The following KDR variants were observed in gnomAD, a reference collection of about 807,000 sequenced individuals.
KDR encodes the protein kinase insert domain receptor.
KDR carries 43 observed loss-of-function variants against 160.9 expected under a neutral mutation model. The observed-to-expected ratio is 0.27, with a 90% CI of 0.21 to 0.34. The LOEUF (loss-of-function observed/expected upper bound fraction) is 0.34, where lower values mean the gene tolerates loss of function less well. KDR is among the 10% of genes least tolerant of loss of function. The probability of loss-of-function intolerance (pLI) is 1.00; values close to 1 mark genes in which losing one functional copy is unlikely to be tolerated. For synonymous variants in KDR, 617 were observed against 600.1 expected (o/e 1.03, Z -0.41); for missense variants, 1,469 against 1,666.4 (o/e 0.88, Z 2.06).
intron 27 of KDR, among the ~76,000 whole-genome samples, chr4:55,087,034 A>C (rs1719882324): frequency 6.6e-6 from 1 of 152,210 alleles, no homozygotes; most frequent in Non-Finnish European, 1.5e-5. Context: ...CCCCTCTGCA[A>C]ATCAGGAAAG....
rs139868970 is a variant in KDR, at chr4:55,089,958, C to T, written c.3190G>A (p.Asp1064Asn). 1.9e-6 allele frequency: 3 copies of T among 1,614,026 alleles called. No individual in the cohort carries two copies. The highest frequency in any genetic ancestry group is 2.7e-5 in the African/African-American group (2 of 74,928). ...CTGGGTTCATATTTGAAACTTACAT[C>T]TCCTTTTCTGACATAATCTGGATCT... The part of the protein sequence containing the change: ...YKDPDYVRKG[D>N]ARLPLKWMAP... The change falls in exon 23 of 30, where the codon GAT becomes AAT. Residue 1064 changes from aspartate to asparagine, a missense_variant and splice_region_variant. By Grantham distance (23) the Asp-to-Asn change is conservative. Coordinates refer to ENST00000263923, the MANE Select transcript of KDR (RefSeq NM_002253.4).
In KDR at chr4:55,079,994, C is replaced by G. The variant is rs775644461; in HGVS notation, c.4018G>C (p.Ala1340Pro). Reference sequence around the variant, plus strand: ...CCCGAGTCAGGCTGGAGAATCTGGGCTGTGCTACCGGTTTGCACTCCAATC... The same window carrying G: ...CCCGAGTCAGGCTGGAGAATCTGGGGTGTGCTACCGGTTTGCACTCCAATC... ...IEIGVQTGSTAQILQPDSGTT... is the reference protein window; with the variant it reads ...IEIGVQTGSTPQILQPDSGTT... The change falls in exon 30 of 30, where the codon GCC becomes CCC. Residue 1340 changes from alanine to proline, a missense_variant. Ala to Pro is a conservative substitution (Grantham distance 27, BLOSUM62 -1). Around this residue, in one of 7 missense-constraint regions of KDR, gnomAD observed 229 missense variants for 197.8 expected, o/e 1.16. Transcript: ENST00000263923. The G allele has an allele frequency of 1.9e-6, 3 of 1,614,182 alleles. No homozygotes were observed. Among genetic ancestry groups the G allele is most frequent in the Middle Eastern group, 1.7e-4 (1 of 6,056 alleles).
chr4:55,118,556 T>C (rs540139325), intron 3 of KDR, 48 bp downstream of exon 3: 14 of 1,461,314 alleles, frequency 9.6e-6, no homozygotes, highest in Non-Finnish European at 1.3e-5. Flanking sequence ...TATTGTCTTT[T>C]ATAACTGGTA....
Position 55,114,171 on chromosome 4 carries a change from T to C in KDR, c.753A>G (p.Glu251=), listed in dbSNP as rs1267820680. 1 of 1,614,046 alleles carries C rather than the reference T, an allele frequency of 6.2e-7. No individual in the cohort carries two copies. The change falls in exon 6 of 30, where the codon GAA becomes GAG. Residue 251 remains glutamate (E), a synonymous_variant. Transcript: ENST00000263923. The part of the protein sequence containing the change: ...KLVLNCTART[E]LNVGIDFNWE... Reference sequence around the variant, plus strand: ...AGTTGAAGTCAATCCCCACATTTAGTTCAGTTCTTGCTGTACAATTTAAGA... The same window carrying C: ...AGTTGAAGTCAATCCCCACATTTAGCTCAGTTCTTGCTGTACAATTTAAGA...
chr4:55,089,482 A>G lies in KDR; in HGVS notation c.3305-9T>C. 1 of 1,592,114 alleles carries G rather than the reference A, an allele frequency of 6.3e-7. No individual in the cohort carries two copies. Among genetic ancestry groups the G allele is most frequent in the Non-Finnish European group, 8.6e-7 (1 of 1,160,628 alleles). ...AGGATATGGAGAAGCACCTAGAATA[A>G]AACAGGGAGGAGACATTCTTTGATT... On this transcript the variant is annotated splice_polypyrimidine_tract_variant and intron_variant, in intron 24 of 29. Transcript: ENST00000263923.
At chr4:55,106,233 G>A (rs1720443239) in intron 11 of KDR, among the ~76,000 whole-genome samples, 3 of 152,046 alleles carry the variant, frequency 2.0e-5, no homozygotes, top group Non-Finnish European at 2.9e-5. Context: ...TCCAACGAGC[G>A]TTTCCTTTGA....
At chr4:55,108,854 T>G (rs1720505456) in intron 9 of KDR, among the ~76,000 whole-genome samples, 1 of 152,198 alleles carries the variant, frequency 6.6e-6, no homozygotes, top group African/African-American at 2.4e-5. Flanking sequence ...CCTCAGATTA[T>G]GCTTTGAAGA....
Position 55,096,319 on chromosome 4 carries a change from G to T in KDR, c.2638C>A (p.Arg880=). 3.1e-6 allele frequency: 5 copies of T among 1,612,386 alleles called. No homozygotes were observed. The highest frequency in any genetic ancestry group is 4.2e-6 in the Non-Finnish European group (5 of 1,178,704). Residue 880 remains arginine (R), a synonymous_variant, in exon 19 of 30, where the codon CGA becomes AGA. Coordinates refer to ENST00000263923, the MANE Select transcript of KDR (RefSeq NM_002253.4). ...ATCTTGAGTTCAGACATGAGAGCTC[G>T]ATGCTCACTGTGTGTTGCTCCTTCT... ...LKEGATHSEH[R]ALMSELKILI... is the part of the protein sequence containing the mutation.
At position 55,121,124 on chromosome 4, in the gene KDR, G is replaced by C; in HGVS notation, c.134C>G (p.Ala45Gly). The change falls in exon 2 of 30, where the codon GCT (alanine) becomes GGT (glycine). Residue 45 changes from alanine (A) to glycine (G), a missense_variant. Coordinates refer to ENST00000263923, the MANE Select transcript of KDR (RefSeq NM_002253.4). ...GCAAGTAATTTGAAGAGTTGTATTA[G>C]CCTTAATTGTAAGTATGTCTTTTTG... ...SIQKDILTIK[A>G]NTTLQITCRG... 6.2e-7 allele frequency: 1 copy of C among 1,612,872 alleles called. No individual in the cohort carries two copies. Among genetic ancestry groups the C allele is most frequent in the Non-Finnish European group, 8.5e-7 (1 of 1,178,988 alleles).
chr4:55,080,252 C>T (rs1348365485), intron 29 of KDR, 89 bp from the exon 30 acceptor site: 15 of 1,151,694 alleles, frequency 1.3e-5, no homozygotes, highest in Non-Finnish European at 1.9e-5. Flanking sequence ...CTCCATATGG[C>T]TGCCATCTCC....
At chr4:55,114,329 AT>A in intron 5 of KDR, 64 bp from the exon 6 acceptor site, 2 of 1,553,066 alleles carry the variant, frequency 1.3e-6, no homozygotes, top group Non-Finnish European at 1.8e-6. Flanking sequence ...CTTTGCACAG[AT>A]TTATTTTTTA....
intron 1 of KDR, among the ~76,000 whole-genome samples, chr4:55,122,566 T>C (rs765607357): frequency 6.6e-6 from 1 of 152,158 alleles, no homozygotes; most frequent in Non-Finnish European, 1.5e-5. Context: ...TATGAACAAA[T>C]GCAGGCAAAA....
intron 5 of KDR, 84 bp from the exon 6 acceptor site, chr4:55,114,349 C>T (rs1486454601): frequency 1.7e-5 from 24 of 1,432,472 alleles, no homozygotes; most frequent in African/African-American, 2.8e-5. Context: ...TAAAGTAATG[C>T]AACTTTAAAA....
At chr4:55,102,250 T>C (rs1720330204) in intron 14 of KDR, 112 bp downstream of exon 14, 1 of 1,365,308 alleles carries the variant, frequency 7.3e-7, no homozygotes, top group Non-Finnish European at 1.0e-6. Flanking sequence ...AGCCAGGTCA[T>C]GGACACCAAT....
In KDR at chr4:55,124,371, G is replaced by C. The variant is rs141132764; in HGVS notation, c.67+856C>G. Among the ~76,000 whole-genome samples, 785 of 152,294 alleles carry C rather than the reference G, an allele frequency of 5.2e-3. 6 individuals carry two copies. The highest frequency in any genetic ancestry group is 0.018 in the African/African-American group (744 of 41,554). On this transcript the variant is annotated intron_variant, in intron 1 of 29. Coordinates refer to ENST00000263923, the MANE Select transcript of KDR (RefSeq NM_002253.4). ...AAGAAAAGACAGACAGCTATTGCAT[G>C]AAGAACGTGTGTGTTCCTAATTGAA...
chr4:55,110,409 C>G lies in KDR; in HGVS notation c.1249G>C (p.Val417Leu), dbSNP rs1426140542. 3 of 1,613,974 alleles carry G rather than the reference C, an allele frequency of 1.9e-6. No homozygotes were observed. The highest frequency in any genetic ancestry group is 2.5e-6 in the Non-Finnish European group (3 of 1,179,900). Residue 417 changes from valine (V) to leucine (L), a missense_variant, in exon 9 of 30, where the codon GTG (valine) becomes CTG (leucine). Around this residue, in one of 7 missense-constraint regions of KDR, gnomAD observed 792 missense variants for 840.9 expected, o/e 0.94. Coordinates refer to ENST00000263923, the MANE Select transcript of KDR (RefSeq NM_002253.4). ...EKQSHVVSLV[V>L]YVPPQIGEKS... is the part of the protein sequence containing the mutation. ...GAAAATTGAATGGACTCACCATACA[C>G]AACCAGAGAGACCACATGGCTCTGC...
intron 26 of KDR, among the ~76,000 whole-genome samples, 154 bp from the exon 27 acceptor site, chr4:55,087,912 G>A (rs1463270915): frequency 1.3e-5 from 2 of 152,168 alleles, no homozygotes; most frequent in African/African-American, 2.4e-5. Context: ...CAAATCATGT[G>A]TCAGAAACAA....
At chr4:55,108,056 T>C (rs1274373112) in intron 9 of KDR, among the ~76,000 whole-genome samples, 163 bp from the exon 10 acceptor site, 2 of 152,052 alleles carry the variant, frequency 1.3e-5, no homozygotes, top group Non-Finnish European at 1.5e-5. Flanking sequence ...TGAGTTCTAG[T>C]GATACTCATA....
At chr4:55,102,935 T>C (rs1443398483) in intron 13 of KDR, among the ~76,000 whole-genome samples, 1 of 152,238 alleles carries the variant, frequency 6.6e-6, no homozygotes, top group Non-Finnish European at 1.5e-5. Context: ...GCAATTCTTA[T>C]AAAACTTGTT....
Sources: allele counts gnomAD v4.1 joint callset (sites outside exome capture counted in the v4.1 genomes callset), GRCh38; gene constraint gnomAD v4.1.1; regional missense constraint gnomAD v4.1.1; transcripts MANE v1.5; gene names NCBI Gene and HGNC (gene_info 2026-07-23, HGNC 2026-07-21).